TMEM278: variants seen among roughly 807,000 people sequenced by gnomAD.
TMEM278 encodes the protein transmembrane protein 88B.
chr1:1,427,073 T>C, the TMEM278 span, among the ~76,000 whole-genome samples: 5 of 111,388 alleles, frequency 4.5e-5, no homozygotes, highest in African/African-American at 1.7e-4. Flanking sequence ...CATCCCTCCA[T>C]CTCCCCCCTC....
the TMEM278 span, chr1:1,426,437 C>T: frequency 1.1e-4 from 140 of 1,307,168 alleles, no homozygotes; most frequent in Non-Finnish European, 1.4e-4. Context: ...GGGGAGTGGG[C>T]GTGCCCTGGG....
chr1:1,427,828 G>T, the TMEM278 span: 3 of 1,360,884 alleles, frequency 2.2e-6, no homozygotes, highest in African/African-American at 4.8e-5. Context: ...CTCCGAGCTC[G>T]CGCGCGACCC....
the TMEM278 span, among the ~76,000 whole-genome samples, chr1:1,429,953 C>T: frequency 1.2e-4 from 18 of 152,344 alleles, no homozygotes; most frequent in Non-Finnish European, 2.4e-4. Context: ...CTCGCCCTCC[C>T]AGGCTCAAGT....
At chr1:1,428,740 C>T in the TMEM278 span, among the ~76,000 whole-genome samples, 2 of 152,218 alleles carry the variant, frequency 1.3e-5, no homozygotes, top group African/African-American at 4.8e-5. Flanking sequence ...GTGGCTCACG[C>T]CTGTAATCCC....
chr1:1,426,773 G>C, the TMEM278 span, among the ~76,000 whole-genome samples: 6 of 151,860 alleles, frequency 4.0e-5, no homozygotes, highest in African/African-American at 1.5e-4. Context: ...TCCTGCCAGC[G>C]TGGGGCTTCC....
chr1:1,426,344 G>A, the TMEM278 span: 10 of 1,443,736 alleles, frequency 6.9e-6, no homozygotes, highest in East Asian at 2.7e-5. Flanking sequence ...GCTCCTGCCC[G>A]CGGCCGCCGT....
the TMEM278 span, among the ~76,000 whole-genome samples, chr1:1,429,190 CA>C: frequency 6.7e-6 from 1 of 149,470 alleles, no homozygotes; most frequent in Non-Finnish European, 1.5e-5. Flanking sequence ...AAAAAAACAA[CA>C]AAAAAAATTA....
chr1:1,427,639 TGCC>T, the TMEM278 span: 1 of 1,340,716 alleles, frequency 7.5e-7, no homozygotes, highest in Non-Finnish European at 9.6e-7. Context: ...CTTCTCTCGC[TGCC>T]GCCGCTGCTG....
the TMEM278 span, among the ~76,000 whole-genome samples, chr1:1,429,581 G>C: frequency 6.6e-6 from 1 of 152,162 alleles, no homozygotes; most frequent in Non-Finnish European, 1.5e-5. Context: ...CAGTAGCATG[G>C]TGTTTCTCTG....
At chr1:1,428,859 G>C in the TMEM278 span, among the ~76,000 whole-genome samples, 1 of 152,250 alleles carries the variant, frequency 6.6e-6, no homozygotes, top group Non-Finnish European at 1.5e-5. Flanking sequence ...AATTAGCTGG[G>C]CTTGGTGGCG....
the TMEM278 span, among the ~76,000 whole-genome samples, chr1:1,429,648 G>T: frequency 2.6e-5 from 4 of 152,132 alleles, no homozygotes; most frequent in African/African-American, 9.7e-5. Flanking sequence ...GGTCCAACTT[G>T]GGGATGCTTC....
chr1:1,427,537 GC>G, the TMEM278 span: 1 of 761,850 alleles, frequency 1.3e-6, no homozygotes, highest in Non-Finnish European at 1.4e-6. Context: ...CCCACTGACG[GC>G]CCGCCCGGCC....
At chr1:1,427,558 AC>A in the TMEM278 span, 1 of 866,260 alleles carries the variant, frequency 1.2e-6, no homozygotes, top group Non-Finnish European at 1.3e-6. Flanking sequence ...CCCCAGGTCC[AC>A]CCCGCTCCGG....
chr1:1,426,505 C>T, the TMEM278 span: 3 of 806,934 alleles, frequency 3.7e-6, no homozygotes, highest in Middle Eastern at 8.1e-4. Flanking sequence ...ACACGTGTGC[C>T]CCTCCCTGGC....
chr1:1,429,222 C>G, the TMEM278 span, among the ~76,000 whole-genome samples: 1 of 151,882 alleles, frequency 6.6e-6, no homozygotes, highest in Non-Finnish European at 1.5e-5. Flanking sequence ...GTGGTGCACA[C>G]CTGTAGTCCC....
At chr1:1,427,635 T>C in the TMEM278 span, 1 of 1,337,904 alleles carries the variant, frequency 7.5e-7, no homozygotes, top group Non-Finnish European at 9.6e-7. Context: ...CGGGCTTCTC[T>C]CGCTGCCGCC....
the TMEM278 span, chr1:1,426,162 A>AG: frequency 2.8e-6 from 4 of 1,408,986 alleles, no homozygotes; most frequent in Non-Finnish European, 3.7e-6. Context: ...GAGGAGGAGG[A>AG]GGGGGGAGGT....
chr1:1,427,219 C>T, the TMEM278 span, among the ~76,000 whole-genome samples: 2 of 146,660 alleles, frequency 1.4e-5, no homozygotes, highest in African/African-American at 2.6e-5. Flanking sequence ...CTTTCCTCCA[C>T]CCCGCTCTCT....
At chr1:1,426,100 C>T in the TMEM278 span, 79 of 1,365,292 alleles carry the variant, frequency 5.8e-5, no homozygotes, top group East Asian at 1.2e-4. Flanking sequence ...GAGCACCGCC[C>T]GGGCCACAGG....
Sources: gnomAD v4.1 joint callset for allele counts (sites outside exome capture counted in the v4.1 genomes callset) on GRCh38, gnomAD v4.1.1 for gene constraint, MANE v1.5 for transcripts, NCBI Gene and HGNC (gene_info 2026-07-23, HGNC 2026-07-21) for gene names.